The following RGS17 variants were observed in gnomAD, a reference collection of about 807,000 sequenced individuals.
RGS17 encodes regulator of G protein signaling 17, also known as regulator of G-protein signaling 17.
In RGS17, 12 loss-of-function variants were observed where a neutral mutation model predicts 25.5. The observed-to-expected ratio is 0.47, with a 90% CI of 0.30 to 0.76. The LOEUF (loss-of-function observed/expected upper bound fraction) is 0.76, where lower values mean the gene tolerates loss of function less well. RGS17 is among the 30% of genes least tolerant of loss of function. The pLI, the probability that RGS17 is intolerant of heterozygous loss-of-function variation, is 0.07. For synonymous variants in RGS17, 71 were observed against 76.9 expected (o/e 0.92, Z 0.40); for missense variants, 196 against 242.2 (o/e 0.81, Z 1.27).
chr6:153,062,654 T>C lies in RGS17; in HGVS notation c.-25-18611A>G, dbSNP rs981283847. Among the ~76,000 whole-genome samples, 5 of 152,114 alleles carry C rather than the reference T, an allele frequency of 3.3e-5. No individual in the cohort carries two copies. In the East Asian group the frequency reaches 7.7e-4, roughly 24 times the overall value. ...TGACCTATCAAGACACCAGCCAGGG[T>C]GGCTACCAGCTACTGGAATGCTGTT... is the stretch of plus-strand genomic sequence containing the variant. On this transcript the variant is annotated intron_variant, in intron 1 of 4. Transcript: ENST00000206262.
At chr6:153,124,868 CGTG>C (rs1562340654) in intron 1 of RGS17, among the ~76,000 whole-genome samples, 1 of 152,148 alleles carries the variant, frequency 6.6e-6, no homozygotes, top group East Asian at 1.9e-4. Flanking sequence ...GGTAATAGGA[CGTG>C]GACATAGGGT....
At chr6:153,058,763 G>A (rs1338268714) in intron 1 of RGS17, among the ~76,000 whole-genome samples, 10 of 152,070 alleles carry the variant, frequency 6.6e-5, no homozygotes, top group Admixed American at 5.2e-4. Context: ...TAACTACCCT[G>A]CTTCAGCTAA....
intron 1 of RGS17, among the ~76,000 whole-genome samples, chr6:153,047,279 T>C (rs1487529603): frequency 6.6e-6 from 1 of 152,202 alleles, no homozygotes; most frequent in African/African-American, 2.4e-5. Context: ...AATAGGATGC[T>C]GAACTTAATG....
chr6:153,119,700 G>C (rs1435902144), intron 1 of RGS17, among the ~76,000 whole-genome samples: 3 of 151,890 alleles, frequency 2.0e-5, no homozygotes, highest in Non-Finnish European at 4.4e-5. Flanking sequence ...TCTCAAAAAA[G>C]AAAAAACGGT....
At chr6:153,051,870 A>C (rs1584134624) in intron 1 of RGS17, among the ~76,000 whole-genome samples, 1 of 152,350 alleles carries the variant, frequency 6.6e-6, no homozygotes, top group Admixed American at 6.5e-5. Context: ...TATGGTGTGA[A>C]GCATGGACTG....
At chr6:153,090,555 G>A (rs559723882) in intron 1 of RGS17, among the ~76,000 whole-genome samples, 1 of 151,984 alleles carries the variant, frequency 6.6e-6, no homozygotes, top group East Asian at 1.9e-4. Flanking sequence ...GGAATTGGAG[G>A]CTGCAGGGCT....
intron 2 of RGS17, among the ~76,000 whole-genome samples, chr6:153,037,620 T>C (rs886243616): frequency 6.6e-6 from 1 of 151,866 alleles, no homozygotes; most frequent in Non-Finnish European, 1.5e-5. Context: ...CAGACGGGGT[T>C]TCACCATGTT....
chr6:153,118,717 A>G (rs2129126517), intron 1 of RGS17, among the ~76,000 whole-genome samples: 2 of 144,190 alleles, frequency 1.4e-5, no homozygotes, highest in Middle Eastern at 7.1e-3. Context: ...GAAATAGATG[A>G]TGTATAAATC....
rs1776498381 is a variant in RGS17 at position 153,053,933 on chromosome 6, ATGT to A, written c.-25-9893_-25-9891del. Among the ~76,000 whole-genome samples, 2 of 61,484 alleles carry A rather than the reference ATGT, an allele frequency of 3.3e-5. 1 individual carries two copies. Among genetic ancestry groups the A allele is most frequent in the Non-Finnish European group, 5.3e-5 (2 of 37,932 alleles). 40.3% of individuals were successfully genotyped at this position (61,484 alleles called of 152,430 possible). ...ACACATTATATATATATGTATATAT[ATGT>A]ATATATAATATATATACATATATAT... On this transcript the variant is annotated intron_variant, in intron 1 of 4. Transcript: ENST00000206262.
At chr6:153,012,686 G>A (rs1779146160) in intron 4 of RGS17, among the ~76,000 whole-genome samples, 1 of 152,130 alleles carries the variant, frequency 6.6e-6, no homozygotes, top group East Asian at 1.9e-4. Flanking sequence ...AGTCCAGATT[G>A]TTTTCCTCGA....
intron 4 of RGS17, chr6:153,023,466 A>G (rs1779267107): frequency 2.6e-6 from 1 of 387,496 alleles, no homozygotes; most frequent in Non-Finnish European, 5.3e-6. Flanking sequence ...CCACATTATT[A>G]ACCACTCTTT....
At chr6:153,046,999 A>G (rs1432388237) in intron 1 of RGS17, among the ~76,000 whole-genome samples, 2 of 152,218 alleles carry the variant, frequency 1.3e-5, no homozygotes, top group East Asian at 3.8e-4. Context: ...TTACCCACAC[A>G]CAAGTAATGC....
Position 153,005,159 on chromosome 6 carries a change from GTTAGT to G in RGS17, c.*6410_*6414del, listed in dbSNP as rs993575098. ...ATATAAAAATGCAATAAGCAAAATG[GTTAGT>G]TTAAATTTAAATTACCTCTTATGAC... On this transcript the variant is annotated 3_prime_UTR_variant, in exon 5 of 5. Coordinates refer to ENST00000206262, the MANE Select transcript of RGS17 (RefSeq NM_012419.5). 6 of 152,218 alleles carry G rather than the reference GTTAGT, an allele frequency of 3.9e-5. No homozygotes were observed. Among genetic ancestry groups the G allele is most frequent in the South Asian group, 2.1e-4 (1 of 4,820 alleles). The allele number at this position is 152,218 out of a possible 1,614,324, so 9.4% of individuals were successfully genotyped here. A position where few individuals can be genotyped will look rare whatever the true frequency, so the allele number is the denominator to read the frequency against.
intron 2 of RGS17, among the ~76,000 whole-genome samples, chr6:153,031,962 C>T (rs1057365126): frequency 6.6e-6 from 1 of 152,174 alleles, no homozygotes. Flanking sequence ...CCGTTAATGA[C>T]TGCAGACGGT....
intron 1 of RGS17, among the ~76,000 whole-genome samples, chr6:153,105,228 G>A (rs1346848185): frequency 3.3e-5 from 5 of 152,066 alleles, no homozygotes; most frequent in Non-Finnish European, 7.4e-5. Flanking sequence ...CTACTTCATC[G>A]TCCAATTTAA....
rs546200162 is a variant in RGS17, at chr6:153,103,393, G to C, written c.-26+27731C>G. On this transcript the variant is annotated intron_variant, in intron 1 of 4. Transcript: ENST00000206262. ...ATTTCCGTGACCTTCAGCAGAAGGC[G>C]GGGTGGAGGATGCTGTTGTGAGCTG... Among the ~76,000 whole-genome samples, 12 of 152,240 alleles carry C rather than the reference G, an allele frequency of 7.9e-5. No individual in the cohort carries two copies. In the South Asian group the frequency reaches 1.7e-3, roughly 21 times the overall value.
Position 153,011,665 on chromosome 6 carries a change from AAAGTATAT to A in RGS17, c.534_541del (p.Tyr179AsnfsTer16). On this transcript the variant is annotated frameshift_variant, in exon 5 of 5. Transcript: ENST00000206262. LOFTEE classifies it high-confidence loss of function. ...CCTTGGAAAAGAATCTCTGTGCATT[AAAGTATAT>A]ATCTGAAGTTGGGCATCTTCATACA... is the stretch of plus-strand genomic sequence containing the variant. The A allele has an allele frequency of 6.2e-7, 1 of 1,612,448 alleles. No individual in the cohort carries two copies. The highest frequency in any genetic ancestry group is 8.5e-7 in the Non-Finnish European group (1 of 1,178,640).
Position 153,118,786 on chromosome 6 carries a change from T to C in RGS17, c.-26+12338A>G, listed in dbSNP as rs149517136. Among the ~76,000 whole-genome samples, 58 of 152,336 alleles carry C rather than the reference T, an allele frequency of 3.8e-4. 1 individual carries two copies. The highest frequency in any genetic ancestry group is 2.4e-4 in the Non-Finnish European group (16 of 68,030). On this transcript the variant is annotated intron_variant, in intron 1 of 4. Coordinates refer to ENST00000206262, the MANE Select transcript of RGS17 (RefSeq NM_012419.5). ...AACTTCCTCATTGCAAAATCTGATG[T>C]GTCATCCTGGTCTTGATCTTACTCA...
At chr6:153,057,762 T>C (rs865923217) in intron 1 of RGS17, among the ~76,000 whole-genome samples, 1 of 152,180 alleles carries the variant, frequency 6.6e-6, no homozygotes, top group Non-Finnish European at 1.5e-5. Context: ...GACACTCCCA[T>C]CTGGGGGTGT....
Sources: gnomAD v4.1 joint callset for allele counts (sites outside exome capture counted in the v4.1 genomes callset) on GRCh38, gnomAD v4.1.1 for gene constraint, MANE v1.5 for transcripts, NCBI Gene and HGNC (gene_info 2026-07-23, HGNC 2026-07-21) for gene names.